The following NAA11 variants were observed in gnomAD, a reference collection of about 807,000 sequenced individuals.
NAA11 encodes N-alpha-acetyltransferase 11.
In NAA11, 15 loss-of-function variants were observed where a neutral mutation model predicts 16.1. The observed-to-expected ratio is 0.93, with a 90% CI of 0.62 to 1.44. The LOEUF is 1.44. Ranked by LOEUF, NAA11 falls within the 40% of genes most tolerant of loss-of-function variation. The pLI, the probability that NAA11 is intolerant of heterozygous loss-of-function variation, is 0.00. For missense variants in NAA11, 298 were observed against 291.3 expected (o/e 1.02, Z -0.17); for synonymous variants, 122 against 112.4 (o/e 1.09, Z -0.54).
chr4:79,291,371 G>A (rs1723081085), intron 2 of NAA11, among the ~76,000 whole-genome samples: 1 of 152,136 alleles, frequency 6.6e-6, no homozygotes, highest in Non-Finnish European at 1.5e-5. Context: ...TCTGAGGCAG[G>A]AGGATCACTT....
intron 2 of NAA11, among the ~76,000 whole-genome samples, chr4:79,241,638 T>G (rs1721698594): frequency 2.0e-5 from 3 of 152,248 alleles, no homozygotes; most frequent in Admixed American, 6.5e-5. Flanking sequence ...TGACAGCATA[T>G]TCAGTAGAGC....
chr4:79,313,973 T>G (rs1247412270), downstream of NAA11, among the ~76,000 whole-genome samples: 3 of 152,168 alleles, frequency 2.0e-5, no homozygotes, highest in African/African-American at 7.2e-5. Flanking sequence ...ATGGTGTGAT[T>G]TGTGAATGTT....
chr4:79,187,318 A>G, the NAA11 span, among the ~76,000 whole-genome samples: 2 of 152,222 alleles, frequency 1.3e-5, no homozygotes, highest in Non-Finnish European at 2.9e-5. Context: ...TGTGAGTGCA[A>G]ATAGCTGCAT....
rs988081145 is a variant in NAA11 at position 79,265,041 on chromosome 4, A to C, written c.*122+28964T>G. Among the ~76,000 whole-genome samples, 3 of 152,222 alleles carry C rather than the reference A, an allele frequency of 2.0e-5. No homozygotes were observed. In the East Asian group the frequency reaches 5.8e-4, roughly 29 times the overall value. ...ACTATGCTTCTTAATTGTCTCCTAA[A>C]ACCTTTCCTTTTACAATTTTCCCTA... On this transcript the variant is annotated intron_variant and NMD_transcript_variant, in intron 2 of 2. Transcript: ENST00000511542.
At chr4:79,310,683 T>C (rs917737997) in intron 1 of NAA11, among the ~76,000 whole-genome samples, 1 of 152,220 alleles carries the variant, frequency 6.6e-6, no homozygotes, top group Non-Finnish European at 1.5e-5. Flanking sequence ...AAGAATGGTT[T>C]TGGTTAGGTA....
chr4:79,304,286 T>C (rs1723498074), intron 1 of NAA11, among the ~76,000 whole-genome samples: 1 of 152,148 alleles, frequency 6.6e-6, no homozygotes, highest in Admixed American at 6.5e-5. Context: ...CATCACAAAA[T>C]ACAAATTTGA....
intron 1 of NAA11, among the ~76,000 whole-genome samples, chr4:79,323,074 G>T (rs1391219532): frequency 1.3e-5 from 2 of 152,132 alleles, no homozygotes; most frequent in Non-Finnish European, 2.9e-5. Context: ...CAAGCCTAAT[G>T]CCTGACAAAT....
At chr4:79,185,687 G>T in the NAA11 span, among the ~76,000 whole-genome samples, 1 of 152,012 alleles carries the variant, frequency 6.6e-6, no homozygotes, top group Non-Finnish European at 1.5e-5. Context: ...AAGCAATATG[G>T]TATTCTCTCC....
At chr4:79,255,231 A>C (rs971629141) in intron 2 of NAA11, among the ~76,000 whole-genome samples, 1 of 152,154 alleles carries the variant, frequency 6.6e-6, no homozygotes, top group Non-Finnish European at 1.5e-5. Context: ...GTTGATGAAT[A>C]CTTGCATTGT....
chr4:79,206,940 G>C, the NAA11 span, among the ~76,000 whole-genome samples: 3 of 151,820 alleles, frequency 2.0e-5, no homozygotes, highest in African/African-American at 4.8e-5. Flanking sequence ...TATATTCCTG[G>C]GTATTTTGGT....
chr4:79,221,065 A>C (rs1456612874), downstream of NAA11, among the ~76,000 whole-genome samples: 4 of 151,718 alleles, frequency 2.6e-5, no homozygotes, highest in Non-Finnish European at 4.4e-5. Flanking sequence ...AGTGGTTTGT[A>C]GTTCTCCTTG....
downstream of NAA11, among the ~76,000 whole-genome samples, chr4:79,315,720 A>C (rs1004148118): frequency 1.6e-4 from 25 of 152,234 alleles, no homozygotes; most frequent in African/African-American, 5.3e-4. Flanking sequence ...TAAAAAGAAC[A>C]ATGCTATTAC....
Position 79,229,309 on chromosome 4 carries a change from A to G in NAA11, c.*123-3039T>C, listed in dbSNP as rs538200734. On this transcript the variant is annotated intron_variant and NMD_transcript_variant, in intron 2 of 2. Coordinates refer to the NAA11 transcript ENST00000511542. ...TCAGTTTTTCCAGTACTATTTCTTC[A>G]GAAGACTCTCCTTGTCAATTAAAAT... Among the ~76,000 whole-genome samples, 25 of 152,036 alleles carry G rather than the reference A, an allele frequency of 1.6e-4. 1 individual carries two copies. The South Asian group carries it at 3.7e-3, about 23-fold the overall frequency.
chr4:79,163,428 A>G, the NAA11 span, among the ~76,000 whole-genome samples: 1 of 152,208 alleles, frequency 6.6e-6, no homozygotes, highest in Non-Finnish European at 1.5e-5. Context: ...TTAAAAAATA[A>G]AAAAATAAAT....
chr4:79,178,496 G>GAA, the NAA11 span, among the ~76,000 whole-genome samples: 7 of 152,282 alleles, frequency 4.6e-5, no homozygotes, highest in South Asian at 1.2e-3. Flanking sequence ...TATATATTAG[G>GAA]AAGAATAATC....
chr4:79,180,668 G>A, the NAA11 span, among the ~76,000 whole-genome samples: 1 of 152,190 alleles, frequency 6.6e-6, no homozygotes, highest in South Asian at 2.1e-4. Flanking sequence ...GGAAGACAGT[G>A]TGGCGATTCC....
At chr4:79,214,569 G>A in the NAA11 span, among the ~76,000 whole-genome samples, 1 of 152,258 alleles carries the variant, frequency 6.6e-6, no homozygotes, top group East Asian at 1.9e-4. Context: ...GGAGGCCGAG[G>A]TGGGCAGATC....
chr4:79,219,350 T>C, the NAA11 span, among the ~76,000 whole-genome samples: 12 of 152,274 alleles, frequency 7.9e-5, no homozygotes, highest in Admixed American at 2.6e-4. Context: ...ACTGACCTAA[T>C]TGATACCAGA....
chr4:79,275,874 G>A lies in NAA11; in HGVS notation c.*122+18131C>T, dbSNP rs146773568. ...CATCGTAAATGCCAGTGAGTCTGGCGTGTTGTTGGATACCAACAAATGCTT... is the reference window on the plus strand; with the variant it reads ...CATCGTAAATGCCAGTGAGTCTGGCATGTTGTTGGATACCAACAAATGCTT... On this transcript the variant is annotated intron_variant and NMD_transcript_variant, in intron 2 of 2. Coordinates refer to the NAA11 transcript ENST00000511542. Among the ~76,000 whole-genome samples, 7 of 152,218 alleles carry A rather than the reference G, an allele frequency of 4.6e-5. No homozygotes were observed. In the East Asian group the frequency reaches 1.2e-3, roughly 25 times the overall value.
Sources: gnomAD v4.1 joint callset for allele counts (sites outside exome capture counted in the v4.1 genomes callset) on GRCh38, gnomAD v4.1.1 for gene constraint, MANE v1.5 for transcripts, NCBI Gene and HGNC (gene_info 2026-07-23, HGNC 2026-07-21) for gene names.